The following ALDH5A1 variants were observed in gnomAD, a reference collection of about 807,000 sequenced individuals.
ALDH5A1 encodes succinate-semialdehyde dehydrogenase, mitochondrial.
A neutral mutation model predicts 54.7 loss-of-function variants in ALDH5A1; 33 were observed. The observed-to-expected ratio is 0.60, with a 90% confidence interval of 0.46 to 0.81. ALDH5A1 has a LOEUF of 0.81. Among genes scored for constraint, ALDH5A1 ranks in the 30% least tolerant of loss-of-function variants. The probability of loss-of-function intolerance (pLI) is 0.00; values close to 1 mark genes in which losing one functional copy is unlikely to be tolerated. For missense variants in ALDH5A1, 657 were observed against 711.0 expected, an observed-to-expected ratio of 0.92 and a Z score of 0.86; for synonymous variants, 294 against 292.7, an observed-to-expected ratio of 1.00 and a Z score of -0.05.
intron 4 of ALDH5A1, among the ~76,000 whole-genome samples, chr6:24,512,222 T>C (rs960891074): frequency 5.9e-5 from 9 of 152,236 alleles, no homozygotes; most frequent in Non-Finnish European, 1.2e-4. Context: ...AGCACAGTAT[T>C]TGGGGTGTCT....
Position 24,536,823 on chromosome 6 carries a change from T to G in ALDH5A1, c.*3111T>G, listed in dbSNP as rs140061941. On this transcript the variant is annotated 3_prime_UTR_variant, in exon 10 of 10. Transcript: ENST00000357578. The stretch of plus-strand genomic sequence containing the variant: ...TGATTTTATGTGAAGTGCCATTTCT[T>G]TATTCTACTAAAGAGAGACAGCAGA... 5.8e-4 allele frequency: 88 copies of G among 152,780 alleles called. No individual in the cohort carries two copies. Among genetic ancestry groups the G allele is most frequent in the African/African-American group, 2.0e-3 (84 of 41,578 alleles). 9.5% of individuals were successfully genotyped at this position (152,780 alleles called of 1,614,324 possible).
At chr6:24,520,662 T>G (rs1204248477) in intron 6 of ALDH5A1, 118 bp downstream of exon 6, 5 of 1,432,992 alleles carry the variant, frequency 3.5e-6, no homozygotes, top group East Asian at 5.0e-5. Flanking sequence ...GTGTGTGTGT[T>G]ACAAAGATCC....
At chr6:24,524,635 G>C (rs1288079944) in intron 7 of ALDH5A1, among the ~76,000 whole-genome samples, 1 of 152,188 alleles carries the variant, frequency 6.6e-6, no homozygotes, top group Non-Finnish European at 1.5e-5. Flanking sequence ...TCTAGTTACT[G>C]TCTTGGGATT....
chr6:24,503,003 T>C (rs138133589), intron 2 of ALDH5A1, among the ~76,000 whole-genome samples: 17 of 147,444 alleles, frequency 1.2e-4, no homozygotes, highest in African/African-American at 3.7e-4. Flanking sequence ...ACTTAGAAGA[T>C]ATTGAAAGGA....
chr6:24,496,973 G>A (rs902681216), intron 1 of ALDH5A1, among the ~76,000 whole-genome samples: 9 of 152,284 alleles, frequency 5.9e-5, no homozygotes, highest in Admixed American at 3.9e-4. Context: ...GAGATACAAA[G>A]ACCAAAGGAG....
intron 7 of ALDH5A1, among the ~76,000 whole-genome samples, chr6:24,524,081 G>A (rs1173547018): frequency 1.3e-5 from 2 of 150,370 alleles, no homozygotes; most frequent in Non-Finnish European, 2.9e-5. Flanking sequence ...GCCCCACTGA[G>A]TTCAATTGAT....
rs980321521 is a variant in ALDH5A1, at chr6:24,536,749, T to C, written c.*3037T>C. On this transcript the variant is annotated 3_prime_UTR_variant, in exon 10 of 10. Coordinates refer to ENST00000357578, the MANE Select transcript of ALDH5A1 (RefSeq NM_001080.3). ...TCCTCCAGCTATGCAGGGATTCTCA[T>C]TAAAGAGCTGATCTGCATCTGTTTA... The C allele has an allele frequency of 2.0e-5, 3 of 152,378 alleles. No homozygotes were observed. The highest frequency in any genetic ancestry group is 4.4e-5 in the Non-Finnish European group (3 of 68,048). The allele number at this position is 152,378 out of a possible 1,614,324, so 9.4% of individuals were successfully genotyped here.
Position 24,522,890 on chromosome 6 carries a change from C to T in ALDH5A1, c.1138C>T (p.Gln380Ter). 2 of 1,613,938 alleles carry T rather than the reference C, an allele frequency of 1.2e-6. No individual in the cohort carries two copies. Among genetic ancestry groups the T allele is most frequent in the Non-Finnish European group, 1.7e-6 (2 of 1,179,992 alleles). ...VGNGFEEGTT[Q>*]GPLINEKAVE... Reference sequence around the variant, plus strand: ...TAATGGATTTGAGGAAGGAACTACTCAGGGCCCATTAATTAATGAAAAAGC... The same window carrying T: ...TAATGGATTTGAGGAAGGAACTACTTAGGGCCCATTAATTAATGAAAAAGC... The change falls in exon 7 of 10, where the codon CAG becomes TAG. Residue 380 changes from glutamine to a stop codon, truncating the protein, a stop_gained. Coordinates refer to ENST00000357578, the MANE Select transcript of ALDH5A1 (RefSeq NM_001080.3). LOFTEE classifies it high-confidence loss of function.
At chr6:24,499,159 C>T (rs1764771022) in intron 1 of ALDH5A1, among the ~76,000 whole-genome samples, 1 of 151,228 alleles carries the variant, frequency 6.6e-6, no homozygotes, top group Non-Finnish European at 1.5e-5. Flanking sequence ...TGGCATGCAC[C>T]TGTATGTAAT....
At chr6:24,497,577 T>C (rs1764739291) in intron 1 of ALDH5A1, among the ~76,000 whole-genome samples, 1 of 148,094 alleles carries the variant, frequency 6.8e-6, no homozygotes, top group African/African-American at 2.4e-5. Flanking sequence ...GACAGAAAAG[T>C]TCTCCAAGTC....
At chr6:24,498,323 G>A (rs933443738) in intron 1 of ALDH5A1, among the ~76,000 whole-genome samples, 5 of 152,286 alleles carry the variant, frequency 3.3e-5, no homozygotes, top group African/African-American at 1.2e-4. Context: ...TGTGTGTACT[G>A]CATACATACT....
At chr6:24,506,378 G>A (rs779768512) in intron 4 of ALDH5A1, among the ~76,000 whole-genome samples, 2 of 147,310 alleles carry the variant, frequency 1.4e-5, no homozygotes, top group Non-Finnish European at 3.0e-5. Flanking sequence ...TCAGCCTCCC[G>A]AGTAGCTGGG....
chr6:24,516,689 T>C (rs551447992), intron 5 of ALDH5A1, among the ~76,000 whole-genome samples: 3 of 151,748 alleles, frequency 2.0e-5, no homozygotes, highest in African/African-American at 7.2e-5. Context: ...CCTGTAATCC[T>C]CACACTTTGA....
intron 4 of ALDH5A1, among the ~76,000 whole-genome samples, chr6:24,505,962 A>G (rs1438424117): frequency 2.6e-5 from 4 of 151,434 alleles, no homozygotes; most frequent in Non-Finnish European, 5.9e-5. Context: ...AGTGAGACTC[A>G]GTCTCAAAAA....
At chr6:24,530,195 T>C (rs929202251) in intron 8 of ALDH5A1, among the ~76,000 whole-genome samples, 1 of 152,130 alleles carries the variant, frequency 6.6e-6, no homozygotes, top group Non-Finnish European at 1.5e-5. Context: ...GCCAGCATAT[T>C]AATGCATTCT....
chr6:24,502,658 A>G (rs1048250948), intron 2 of ALDH5A1, 52 bp downstream of exon 2: 3 of 1,454,220 alleles, frequency 2.1e-6, no homozygotes, highest in Non-Finnish European at 1.9e-6. Flanking sequence ...AGGAATTTTT[A>G]CACTAAACTT....
At position 24,506,243 on chromosome 6, in the gene ALDH5A1, C is replaced by CTTTTTTTTTTTTTTTTTTTTT. The variant is rs70974913; in HGVS notation, c.726+1268_726+1288dup. Among the ~76,000 whole-genome samples, 23 of 52,160 alleles carry CTTTTTTTTTTTTTTTTTTTTT rather than the reference C, an allele frequency of 4.4e-4. 7 individuals carry two copies. The highest frequency in any genetic ancestry group is 7.6e-4 in the Non-Finnish European group (22 of 29,132). 34.2% of individuals were successfully genotyped at this position (52,160 alleles called of 152,430 possible). ...TCTGCACCTCCTTCTTTCCTGGTTC[C>CTTTTTTTTTTTTTTTTTTTTT]TTTTTTTTTTTTTTTTTTTTTTTTT... On this transcript the variant is annotated intron_variant, in intron 4 of 9. Coordinates refer to ENST00000357578, the MANE Select transcript of ALDH5A1 (RefSeq NM_001080.3).
chr6:24,526,798 G>A (rs1251176410), intron 7 of ALDH5A1, among the ~76,000 whole-genome samples: 2 of 140,610 alleles, frequency 1.4e-5, no homozygotes, highest in Non-Finnish European at 3.0e-5. Context: ...AGATTTCACT[G>A]CTTACCAAGT....
chr6:24,533,415 G>A (rs1759973157), intron 9 of ALDH5A1, 92 bp from the exon 10 acceptor site: 2 of 1,391,172 alleles, frequency 1.4e-6, no homozygotes, highest in Non-Finnish European at 2.0e-6. Context: ...CAAGTGGCTG[G>A]ACAAAAAGTC....
Sources: gnomAD v4.1 joint callset for allele counts (sites outside exome capture counted in the v4.1 genomes callset) on GRCh38, gnomAD v4.1.1 for gene constraint, MANE v1.5 for transcripts, NCBI Gene and HGNC (gene_info 2026-07-23, HGNC 2026-07-21) for gene names.